CELF5: variants seen among roughly 807,000 people sequenced by gnomAD.
CELF5 encodes the protein CUG-BP and ETR-3 like factor 5.
CELF5 carries 6 observed loss-of-function variants against 54.9 expected under a neutral mutation model. The observed-to-expected ratio is 0.11, with a 90% CI of 0.06 to 0.22. CELF5 has a LOEUF of 0.22. Ranked by LOEUF, CELF5 falls within the 10% of genes least tolerant of loss-of-function variation. CELF5 has a pLI of 1.00. For synonymous variants in CELF5, 271 were observed against 290.9 expected (o/e 0.93, Z 0.70); for missense variants, 401 against 678.6 (o/e 0.59, Z 4.54).
At chr19:3,287,211 A>T (rs1330858446) in intron 10 of CELF5, among the ~76,000 whole-genome samples, 1 of 151,764 alleles carries the variant, frequency 6.6e-6, no homozygotes, top group East Asian at 1.9e-4. Context: ...ATAACTTCAC[A>T]GGCAGAATAT....
At chr19:3,270,854 A>G (rs1599450303) in intron 2 of CELF5, among the ~76,000 whole-genome samples, 1 of 151,454 alleles carries the variant, frequency 6.6e-6, no homozygotes, top group African/African-American at 2.4e-5. Context: ...TCCCAGTAGG[A>G]GGCGGAAGGT....
intron 2 of CELF5, among the ~76,000 whole-genome samples, chr19:3,252,312 G>T (rs1286122450): frequency 2.0e-5 from 3 of 152,210 alleles, no homozygotes; most frequent in Admixed American, 6.5e-5. Context: ...TGGGATTACA[G>T]GTGTGAGCCA....
At chr19:3,296,455 A>T (rs1193822286) in intron 12 of CELF5, 1 of 143,176 alleles carries the variant, frequency 7.0e-6, no homozygotes, top group East Asian at 2.0e-4. Context: ...AAAAAAAAAA[A>T]AGAAAAGAAA....
chr19:3,241,899 C>T (rs1056556273), intron 1 of CELF5, among the ~76,000 whole-genome samples: 3 of 152,112 alleles, frequency 2.0e-5, no homozygotes, highest in Non-Finnish European at 2.9e-5. Flanking sequence ...CTCAACCTCC[C>T]GTGTAGCTGG....
intron 2 of CELF5, among the ~76,000 whole-genome samples, chr19:3,258,700 C>A (rs1247934906): frequency 6.6e-6 from 1 of 152,108 alleles, no homozygotes; most frequent in African/African-American, 2.4e-5. Context: ...CAGCCTTGAC[C>A]TCCTAGGCTG....
intron 5 of CELF5, among the ~76,000 whole-genome samples, chr19:3,279,768 T>C (rs1330914645): frequency 1.3e-5 from 2 of 152,184 alleles, no homozygotes; most frequent in East Asian, 3.9e-4. Flanking sequence ...AATGGGGCAA[T>C]CTCAGCTCAC....
At chr19:3,245,155 G>A (rs971482343) in intron 1 of CELF5, among the ~76,000 whole-genome samples, 2 of 148,206 alleles carry the variant, frequency 1.3e-5, no homozygotes, top group East Asian at 4.1e-4. Flanking sequence ...GTGCATCTCT[G>A]TGTGTGTTGT....
chr19:3,290,330 C>T lies in CELF5; in HGVS notation c.1286C>T (p.Ser429Phe). The T allele has an allele frequency of 6.2e-7, 1 of 1,614,050 alleles. No homozygotes were observed. The highest frequency in any genetic ancestry group is 8.5e-7 in the Non-Finnish European group (1 of 1,179,992). ...MFLPFGNIIS[S>F]KVFMDRATNQ... ...CTACCCTTCGGCAATATCATTTCCT[C>T]CAAGGTGTTTATGGATCGAGCTACC... Residue 429 changes from serine to phenylalanine, a missense_variant, in exon 11 of 13, where the codon TCC (serine) becomes TTC (phenylalanine). Ser to Phe is a radical substitution (Grantham distance 155). Coordinates refer to ENST00000292672, the MANE Select transcript of CELF5 (RefSeq NM_021938.4).
chr19:3,237,162 A>C (rs533053090), intron 1 of CELF5, among the ~76,000 whole-genome samples: 1 of 150,906 alleles, frequency 6.6e-6, no homozygotes, highest in South Asian at 2.1e-4. Flanking sequence ...AATACAAAAA[A>C]TTAGCCGGGC....
At chr19:3,287,376 A>C (rs553465773) in intron 10 of CELF5, among the ~76,000 whole-genome samples, 1 of 150,412 alleles carries the variant, frequency 6.6e-6, no homozygotes, top group East Asian at 1.9e-4. Context: ...CCTGGCCAAC[A>C]TGGTGAAACC....
chr19:3,240,005 C>T (rs1478562344), intron 1 of CELF5, among the ~76,000 whole-genome samples: 1 of 140,056 alleles, frequency 7.1e-6, no homozygotes, highest in Non-Finnish European at 1.5e-5. Context: ...TCTCCTGCAA[C>T]ACACTTTTTT....
At chr19:3,277,573 C>T (rs1463394635) in intron 4 of CELF5, among the ~76,000 whole-genome samples, 2 of 152,062 alleles carry the variant, frequency 1.3e-5, no homozygotes, top group African/African-American at 4.8e-5. Context: ...AACCGTGCAA[C>T]CATCACCACT....
chr19:3,225,659 G>A (rs1386424724), intron 1 of CELF5: 18 of 933,066 alleles, frequency 1.9e-5, no homozygotes, highest in Non-Finnish European at 2.3e-5. Flanking sequence ...CCCGGCTCGG[G>A]GGGACGCGCC....
At chr19:3,265,588 A>C (rs948168098) in intron 2 of CELF5, among the ~76,000 whole-genome samples, 5 of 152,132 alleles carry the variant, frequency 3.3e-5, no homozygotes, top group Non-Finnish European at 7.4e-5. Context: ...ACGCCATGAC[A>C]GTTTACAAAC....
intron 4 of CELF5, among the ~76,000 whole-genome samples, chr19:3,277,479 G>GA (rs200577988): frequency 0.017 from 2,633 of 152,060 alleles, 27 homozygotes; most frequent in Middle Eastern, 0.065. Flanking sequence ...CTCAAAAAAA[G>GA]AAAAAAATTG....
chr19:3,264,925 G>C (rs2079860415), intron 2 of CELF5, among the ~76,000 whole-genome samples: 3 of 151,616 alleles, frequency 2.0e-5, no homozygotes, highest in African/African-American at 7.3e-5. Flanking sequence ...ATGTTAGCCA[G>C]GTTGGTCTCA....
intron 1 of CELF5, among the ~76,000 whole-genome samples, chr19:3,250,210 C>T (rs953549104): frequency 6.6e-6 from 1 of 152,164 alleles, no homozygotes; most frequent in Admixed American, 6.5e-5. Flanking sequence ...TGGTTCAGGC[C>T]GGGTGCGGTG....
At chr19:3,238,202 A>G (rs1469420524) in intron 1 of CELF5, among the ~76,000 whole-genome samples, 1 of 152,132 alleles carries the variant, frequency 6.6e-6, no homozygotes, top group East Asian at 1.9e-4. Flanking sequence ...TAAAAATAAA[A>G]AATTAGCTGG....
At chr19:3,284,694 AG>A in intron 8 of CELF5, 1 of 584,900 alleles carries the variant, frequency 1.7e-6, no homozygotes, top group South Asian at 2.0e-5. Context: ...CCCGGATTCC[AG>A]TTCAGCTTCT....
Sources: gnomAD v4.1 joint callset for allele counts (sites outside exome capture counted in the v4.1 genomes callset) on GRCh38, gnomAD v4.1.1 for gene constraint, MANE v1.5 for transcripts, NCBI Gene and HGNC (gene_info 2026-07-23, HGNC 2026-07-21) for gene names.